SCFD2: variants seen among roughly 807,000 people sequenced by gnomAD.
SCFD2 encodes the protein sec1 family domain containing 2, also known as sec1 family domain-containing protein 2.
A neutral mutation model predicts 58.9 loss-of-function variants in SCFD2; 54 were observed. The observed-to-expected ratio is 0.92, with a 90% CI of 0.74 to 1.15. The LOEUF (loss-of-function observed/expected upper bound fraction) is 1.15. Ranked by LOEUF, SCFD2 falls within the 50% of genes most tolerant of loss-of-function variation. SCFD2 has a pLI of 0.00. For synonymous variants in SCFD2, 321 were observed against 335.9 expected (o/e 0.96, Z 0.49); for missense variants, 805 against 836.6 (o/e 0.96, Z 0.47).
intron 5 of SCFD2, among the ~76,000 whole-genome samples, chr4:53,065,429 A>G (rs1333609488): frequency 6.6e-6 from 1 of 152,138 alleles, no homozygotes; most frequent in Non-Finnish European, 1.5e-5. Flanking sequence ...GTCAGATGTC[A>G]GATTAGGAGA....
At chr4:52,887,959 G>A (rs1019139466) in intron 7 of SCFD2, among the ~76,000 whole-genome samples, 58 of 140,754 alleles carry the variant, frequency 4.1e-4, no homozygotes, top group African/African-American at 1.5e-3. Flanking sequence ...GCCGGACTGC[G>A]GACTGCAGTG....
chr4:52,968,661 A>G (rs555923948), intron 5 of SCFD2, among the ~76,000 whole-genome samples: 123 of 152,186 alleles, frequency 8.1e-4, no homozygotes, highest in Non-Finnish European at 1.4e-3. Context: ...TCTGATTTAT[A>G]CTTCTATCAC....
At chr4:52,974,073 G>A (rs1721184532) in intron 5 of SCFD2, among the ~76,000 whole-genome samples, 2 of 151,990 alleles carry the variant, frequency 1.3e-5, no homozygotes, top group African/African-American at 4.8e-5. Flanking sequence ...ATACTGAATA[G>A]GCAAAAACTG....
Position 53,313,651 on chromosome 4 carries a change from T to C in SCFD2, c.1120A>G (p.Ile374Val). ...VEAASRENLP[I>V]KMSMGRVTPG... ...TTAGGCTTACCCATACTCATCTTGATTGGCAGGTTTTCTCTGCTTGCCGCT... is the reference window on the plus strand; with the variant it reads ...TTAGGCTTACCCATACTCATCTTGACTGGCAGGTTTTCTCTGCTTGCCGCT... Residue 374 changes from isoleucine to valine, a missense_variant, in exon 3 of 9, where the codon ATC (isoleucine) becomes GTC (valine). Ile to Val is a conservative substitution (Grantham distance 29). Transcript: ENST00000401642. The C allele has an allele frequency of 1.2e-6, 2 of 1,613,950 alleles. No individual in the cohort carries two copies. The highest frequency in any genetic ancestry group is 2.2e-5 in the East Asian group (1 of 44,870).
At chr4:53,078,640 T>C (rs755827321) in intron 5 of SCFD2, among the ~76,000 whole-genome samples, 1 of 152,168 alleles carries the variant, frequency 6.6e-6, no homozygotes, top group East Asian at 1.9e-4. Context: ...AGGCAGGTGC[T>C]ATTGCTAGCC....
chr4:52,983,152 C>T (rs993924423), intron 5 of SCFD2, among the ~76,000 whole-genome samples: 16 of 152,122 alleles, frequency 1.1e-4, no homozygotes, highest in Non-Finnish European at 1.8e-4. Flanking sequence ...CTACAAAGTG[C>T]ACAAATAAAG....
intron 3 of SCFD2, among the ~76,000 whole-genome samples, chr4:53,300,491 A>G (rs896578054): frequency 2.6e-5 from 4 of 152,180 alleles, no homozygotes; most frequent in Admixed American, 6.5e-5. Context: ...CTCCCACACA[A>G]TAATACTGGG....
chr4:53,267,609 GTC>G (rs905494233), intron 4 of SCFD2, among the ~76,000 whole-genome samples: 1 of 152,120 alleles, frequency 6.6e-6, no homozygotes, highest in East Asian at 1.9e-4. Flanking sequence ...AGGCAAAGGG[GTC>G]TCTCTGTGTT....
At chr4:53,151,156 A>C (rs1726494086) in intron 4 of SCFD2, among the ~76,000 whole-genome samples, 1 of 152,230 alleles carries the variant, frequency 6.6e-6, no homozygotes, top group Non-Finnish European at 1.5e-5. Flanking sequence ...CTGGGTTTGA[A>C]ATCACATCTT....
In SCFD2 at chr4:53,071,314, C is replaced by A. The variant is rs578035138; in HGVS notation, c.1561+74019G>T. 2.0e-5 allele frequency among the ~76,000 whole-genome samples: 3 copies of A among 152,164 alleles called. No individual in the cohort carries two copies. The South Asian group carries it at 6.2e-4, about 32-fold the overall frequency. On this transcript the variant is annotated intron_variant, in intron 5 of 8. Coordinates refer to ENST00000401642, the MANE Select transcript of SCFD2 (RefSeq NM_152540.4). The stretch of plus-strand genomic sequence containing the variant: ...CTTATATTTTATTAAGCCACAGTTC[C>A]TTGTAGGTGTTCTGTCACTCACAGC...
At chr4:53,001,873 A>C (rs915654363) in intron 5 of SCFD2, among the ~76,000 whole-genome samples, 7 of 152,216 alleles carry the variant, frequency 4.6e-5, no homozygotes, top group Non-Finnish European at 7.3e-5. Flanking sequence ...AGATGAGGAC[A>C]CTGAGGGTTT....
At chr4:53,037,208 A>G (rs957294028) in intron 5 of SCFD2, among the ~76,000 whole-genome samples, 6 of 152,204 alleles carry the variant, frequency 3.9e-5, no homozygotes, top group Non-Finnish European at 8.8e-5. Context: ...CCTATCAAAA[A>G]TGAATAAATA....
intron 5 of SCFD2, among the ~76,000 whole-genome samples, chr4:53,078,392 C>T (rs976435512): frequency 1.3e-5 from 2 of 152,124 alleles, no homozygotes; most frequent in African/African-American, 4.8e-5. Context: ...GTTAAGAGCA[C>T]AGCCATAATT....
chr4:53,044,906 A>ACCCCCCCCCCCCCCCCCCCCCCCCCC (rs1553872108), intron 5 of SCFD2, among the ~76,000 whole-genome samples: 2 of 18,074 alleles, frequency 1.1e-4, no homozygotes, highest in African/African-American at 6.5e-4. Flanking sequence ...TCCACCCCCA[A>ACCCCCCCCCCCCCCCCCCCCCCCCCC]CCCCCCCCCC....
intron 5 of SCFD2, among the ~76,000 whole-genome samples, chr4:53,029,126 G>A (rs1163574698): frequency 2.0e-5 from 3 of 152,170 alleles, no homozygotes; most frequent in Non-Finnish European, 4.4e-5. Context: ...TTTTTCTTGT[G>A]ATGTGTGGTA....
intron 3 of SCFD2, among the ~76,000 whole-genome samples, chr4:53,301,077 G>C (rs1560436689): frequency 6.6e-6 from 1 of 152,162 alleles, no homozygotes; most frequent in African/African-American, 2.4e-5. Context: ...AAAGCTAGCA[G>C]AAGGCAAGAA....
chr4:53,088,388 G>A (rs1158319036), intron 5 of SCFD2, among the ~76,000 whole-genome samples: 1 of 152,142 alleles, frequency 6.6e-6, no homozygotes, highest in Non-Finnish European at 1.5e-5. Context: ...CAGAGCCGTG[G>A]GAGCAGAACC....
chr4:52,973,728 T>C (rs1199593405), intron 5 of SCFD2, among the ~76,000 whole-genome samples: 2 of 152,188 alleles, frequency 1.3e-5, no homozygotes, highest in Non-Finnish European at 2.9e-5. Context: ...AAGAGAATTT[T>C]AGACCAATAT....
At chr4:53,110,880 A>T (rs1725150104) in intron 5 of SCFD2, among the ~76,000 whole-genome samples, 1 of 152,218 alleles carries the variant, frequency 6.6e-6, no homozygotes, top group Non-Finnish European at 1.5e-5. Flanking sequence ...ATAAAGACAC[A>T]TGCACCCGTA....
Sources: gnomAD v4.1 joint callset for allele counts (sites outside exome capture counted in the v4.1 genomes callset) on GRCh38, gnomAD v4.1.1 for gene constraint, MANE v1.5 for transcripts, NCBI Gene and HGNC (gene_info 2026-07-23, HGNC 2026-07-21) for gene names.